The following RYR3 variants were observed in gnomAD, a reference collection of about 807,000 sequenced individuals.
RYR3 encodes brain ryanodine receptor-calcium release channel.
Under a neutral mutation model 584.3 loss-of-function variants are expected in RYR3, and 207 were observed. That is an observed-to-expected ratio of 0.35 (90% CI 0.32 to 0.40). The LOEUF is 0.40. Among genes scored for constraint, RYR3 ranks in the 10% least tolerant of loss-of-function variants. The pLI, the probability that RYR3 is intolerant of heterozygous loss-of-function variation, is 1.00. For synonymous variants in RYR3, 2,416 were observed against 2,248.5 expected, an observed-to-expected ratio of 1.07 and a Z score of -2.11; for missense variants, 5,616 against 6,089.2, an observed-to-expected ratio of 0.92 and a Z score of 2.59.
At chr15:33,617,731 T>A (rs577518332) in intron 19 of RYR3, among the ~76,000 whole-genome samples, 10 of 151,416 alleles carry the variant, frequency 6.6e-5, no homozygotes, top group African/African-American at 2.4e-4. Flanking sequence ...TTGTTAATAA[T>A]ACCTGATTAG....
At chr15:33,698,031 C>G in intron 40 of RYR3, 35 bp downstream of exon 40, 2 of 1,459,578 alleles carry the variant, frequency 1.4e-6, no homozygotes, top group African/African-American at 2.8e-5. Context: ...CAGAACTTGT[C>G]CCTTGAGGCA....
intron 60 of RYR3, among the ~76,000 whole-genome samples, chr15:33,762,751 A>T (rs549260107): frequency 3.3e-5 from 5 of 152,332 alleles, no homozygotes; most frequent in African/African-American, 1.2e-4. Context: ...TTCTTCACAG[A>T]ACTAGAAAAA....
intron 80 of RYR3, among the ~76,000 whole-genome samples, chr15:33,821,824 T>G (rs1379766663): frequency 6.6e-6 from 1 of 152,218 alleles, no homozygotes. Flanking sequence ...TTATCCAGGA[T>G]TAAAGATAAA....
At chr15:33,402,667 C>G (rs1221565452) in intron 1 of RYR3, among the ~76,000 whole-genome samples, 1 of 152,232 alleles carries the variant, frequency 6.6e-6, no homozygotes, top group African/African-American at 2.4e-5. Flanking sequence ...TGAAGATGAT[C>G]CATTCAGCAT....
Position 33,524,780 on chromosome 15 carries a change from G to A in RYR3, c.280-5812G>A, listed in dbSNP as rs75337004. Among the ~76,000 whole-genome samples the A allele has an allele frequency of 8.4e-3, 1,278 of 152,144 alleles. 22 individuals carry two copies. Among genetic ancestry groups the A allele is most frequent in the African/African-American group, 0.029 (1,201 of 41,480 alleles). On this transcript the variant is annotated intron_variant, in intron 3 of 103. Coordinates refer to ENST00000634891, the MANE Select transcript of RYR3 (RefSeq NM_001036.6). ...AGAAAAGATAGAATCTCTTCCATAT[G>A]TTTGAATTTTCTTCTAATATGCGTC...
rs554947221 is a variant in RYR3 at position 33,480,268 on chromosome 15, G to A, written c.171+6730G>A. On this transcript the variant is annotated intron_variant, in intron 2 of 103. Transcript: ENST00000634891. ...GGCTCCAACACTTAGCTGTGTGACT[G>A]TGGGCAAATGACTTTACTGCTCTCT... is the stretch of plus-strand genomic sequence containing the variant. 1.4e-4 allele frequency among the ~76,000 whole-genome samples: 21 copies of A among 152,298 alleles called. No individual in the cohort carries two copies. The South Asian group carries it at 2.3e-3, about 17-fold the overall frequency.
At chr15:33,624,463 A>G (rs2060883065) in intron 20 of RYR3, among the ~76,000 whole-genome samples, 1 of 152,176 alleles carries the variant, frequency 6.6e-6, no homozygotes, top group Non-Finnish European at 1.5e-5. Context: ...AAAAGCTTAA[A>G]TGGGGAGGGA....
At chr15:33,762,169 G>A (rs1261263967) in intron 60 of RYR3, among the ~76,000 whole-genome samples, 1 of 152,158 alleles carries the variant, frequency 6.6e-6, no homozygotes, top group Admixed American at 6.5e-5. Flanking sequence ...GGCAAAAGCT[G>A]GAAGCATTCC....
chr15:33,841,895 AAAG>A lies in RYR3; in HGVS notation c.13074_13076del (p.Glu4360del). 2 of 1,596,694 alleles carry A rather than the reference AAAG, an allele frequency of 1.3e-6. No individual in the cohort carries two copies. Among genetic ancestry groups the A allele is most frequent in the African/African-American group, 2.7e-5 (2 of 74,696 alleles). ...AGATGGAGAGAAGGAAGACAAAGACAAAGAAGAGGAGCAAGCTGAGTACCTGTG... is the reference window on the plus strand; with the variant it reads ...AGATGGAGAGAAGGAAGACAAAGACAAAGAGGAGCAAGCTGAGTACCTGTG... On this transcript the variant is annotated inframe_deletion, in exon 91 of 104. Transcript: ENST00000634891.
At chr15:33,530,128 G>C (rs2054738948) in intron 3 of RYR3, among the ~76,000 whole-genome samples, 1 of 152,194 alleles carries the variant, frequency 6.6e-6, no homozygotes, top group South Asian at 2.1e-4. Flanking sequence ...TTAAGGGAGT[G>C]GGCAGAAGGC....
At chr15:33,503,324 A>AGCCTT (rs2052169430) in intron 2 of RYR3, among the ~76,000 whole-genome samples, 1 of 152,148 alleles carries the variant, frequency 6.6e-6, no homozygotes, top group Non-Finnish European at 1.5e-5. Flanking sequence ...GCTGTAGATC[A>AGCCTT]GCCTTCCCTT....
chr15:33,538,885 A>C (rs2055562326), intron 5 of RYR3, among the ~76,000 whole-genome samples: 1 of 152,180 alleles, frequency 6.6e-6, no homozygotes, highest in Admixed American at 6.5e-5. Context: ...TTATTGTCTG[A>C]GTCCTTGCAG....
intron 36 of RYR3, among the ~76,000 whole-genome samples, chr15:33,664,028 G>A (rs1002558590): frequency 3.3e-5 from 5 of 152,064 alleles, no homozygotes; most frequent in African/African-American, 9.7e-5. Flanking sequence ...ACCACTGTTG[G>A]GATTCAATTG....
At chr15:33,664,434 G>T (rs2063355891) in intron 36 of RYR3, among the ~76,000 whole-genome samples, 1 of 152,024 alleles carries the variant, frequency 6.6e-6, no homozygotes, top group Non-Finnish European at 1.5e-5. Flanking sequence ...GCTGCTCAGT[G>T]GCTCACTTAG....
At chr15:33,623,771 T>C in intron 19 of RYR3, 36 bp from the exon 20 acceptor site, 1 of 1,431,302 alleles carries the variant, frequency 7.0e-7, no homozygotes, top group Non-Finnish European at 9.8e-7. Context: ...TTGTTTTTTT[T>C]TTAACCTCTG....
intron 43 of RYR3, among the ~76,000 whole-genome samples, chr15:33,708,972 A>T (rs1257843558): frequency 2.3e-5 from 3 of 132,580 alleles, no homozygotes; most frequent in African/African-American, 1.1e-4. Flanking sequence ...GGTAGCAGGT[A>T]ATCAGAATAA....
intron 1 of RYR3, among the ~76,000 whole-genome samples, chr15:33,445,664 A>ACACACACAC (rs2046582595): frequency 1.2e-4 from 13 of 106,040 alleles, no homozygotes; most frequent in Non-Finnish European, 1.3e-4. Flanking sequence ...TTCCCCCACC[A>ACACACACAC]ACACACACAC....
At chr15:33,451,642 C>G (rs1260223658) in intron 1 of RYR3, among the ~76,000 whole-genome samples, 1 of 152,186 alleles carries the variant, frequency 6.6e-6, no homozygotes, top group Non-Finnish European at 1.5e-5. Flanking sequence ...AGTCCAAAGA[C>G]AAGCCTAGTC....
Position 33,670,413 on chromosome 15 carries a change from T to G in RYR3, c.5723-6T>G, listed in dbSNP as rs769076393. ...TGGATTTTCACCCTGTTCTGTGGCT[T>G]GCTAGGGGTTCCTTTGGAAGAAGAG... On this transcript the variant is annotated splice_region_variant and splice_polypyrimidine_tract_variant and intron_variant, in intron 37 of 103. Transcript: ENST00000634891. The G allele has an allele frequency of 1.9e-6, 3 of 1,613,154 alleles. No homozygotes were observed. The highest frequency in any genetic ancestry group is 3.3e-5 in the Admixed American group (2 of 59,888).
Sources: allele counts gnomAD v4.1 joint callset (sites outside exome capture counted in the v4.1 genomes callset), GRCh38; gene constraint gnomAD v4.1.1; transcripts MANE v1.5; gene names NCBI Gene and HGNC (gene_info 2026-07-23, HGNC 2026-07-21).